SYNE2: variants seen among roughly 807,000 people sequenced by gnomAD.
SYNE2 encodes the protein spectrin repeat containing nuclear envelope protein 2.
In SYNE2, 431 loss-of-function variants were observed where a neutral mutation model predicts 856.3. That is an observed-to-expected ratio of 0.50 (90% confidence interval 0.47 to 0.55). The LOEUF (loss-of-function observed/expected upper bound fraction) is 0.55, where lower values mean the gene tolerates loss of function less well. Ranked by LOEUF, SYNE2 falls within the 20% of genes least tolerant of loss-of-function variation. The pLI is 0.00. For synonymous variants in SYNE2, 2,923 were observed against 2,872.3 expected, an observed-to-expected ratio of 1.02 and a Z score of -0.56; for missense variants, 8,129 against 8,023.2, an observed-to-expected ratio of 1.01 and a Z score of -0.50.
intron 1 of SYNE2, among the ~76,000 whole-genome samples, chr14:63,820,131 G>A (rs1889158149): frequency 6.6e-6 from 1 of 152,030 alleles, no homozygotes; most frequent in South Asian, 2.1e-4. Flanking sequence ...TAGGAAAAAT[G>A]ACTCTGAAAA....
Position 64,024,957 on chromosome 14 carries a change from A to G in SYNE2, c.5886A>G (p.Gln1962=). The G allele has an allele frequency of 2.5e-6, 4 of 1,614,030 alleles. No homozygotes were observed. The highest frequency in any genetic ancestry group is 1.3e-5 in the African/African-American group (1 of 75,046). The change falls in exon 40 of 116, where the codon CAA becomes CAG. Residue 1962 remains glutamine (Q), a synonymous_variant. Coordinates refer to ENST00000555002, the MANE Select transcript of SYNE2 (RefSeq NM_182914.3). ...HRNLRKWLTN[Q]EEKWKGMEEP... is the part of the protein sequence containing the mutation. ...ACCTGAGGAAGTGGTTGACTAATCA[A>G]GAAGAGAAATGGAAAGGAATGGAAG... is the stretch of plus-strand genomic sequence containing the variant.
At chr14:64,144,055 A>G in intron 83 of SYNE2, 107 bp downstream of exon 83, 2 of 1,319,332 alleles carry the variant, frequency 1.5e-6, no homozygotes, top group African/African-American at 2.9e-5. Flanking sequence ...TAAGCCTAAT[A>G]ATCATCTCAA....
chr14:64,218,403 G>A lies in SYNE2; in HGVS notation c.19548G>A (p.Lys6516=). ...SSTPYKPPYG[K]LLLPPGTDGG... The stretch of plus-strand genomic sequence containing the variant: ...TAAAAACTGGCTCATTCTAGGGAAA[G>A]CTACTATTACCTCCAGGCACGGATG... The change falls in exon 109 of 116, where the codon AAG becomes AAA. Residue 6516 remains lysine (K), a synonymous_variant. Coordinates refer to ENST00000555002, the MANE Select transcript of SYNE2 (RefSeq NM_182914.3). 1 of 1,613,938 alleles carries A rather than the reference G, an allele frequency of 6.2e-7. No individual in the cohort carries two copies. Among genetic ancestry groups the A allele is most frequent in the South Asian group, 1.1e-5 (1 of 91,024 alleles).
intron 45 of SYNE2, among the ~76,000 whole-genome samples, chr14:64,046,705 A>G (rs960768663): frequency 6.6e-6 from 1 of 152,174 alleles, no homozygotes; most frequent in Non-Finnish European, 1.5e-5. Context: ...CACCAGACTC[A>G]TAAAAGAGGC....
intron 2 of SYNE2, among the ~76,000 whole-genome samples, chr14:63,915,747 C>T (rs1295476610): frequency 6.6e-6 from 1 of 152,068 alleles, no homozygotes; most frequent in African/African-American, 2.4e-5. Flanking sequence ...TGTGTCTTCT[C>T]GGTAGGTATC....
At chr14:64,141,178 G>A (rs575398614) in intron 80 of SYNE2, among the ~76,000 whole-genome samples, 163 bp from the exon 81 acceptor site, 5 of 152,084 alleles carry the variant, frequency 3.3e-5, no homozygotes, top group East Asian at 1.9e-4. Flanking sequence ...GTTCCCCATC[G>A]TGTATGTAAT....
At chr14:64,077,190 C>T (rs982389451) in intron 54 of SYNE2, among the ~76,000 whole-genome samples, 2 of 152,102 alleles carry the variant, frequency 1.3e-5, no homozygotes, top group African/African-American at 4.8e-5. Context: ...GTTCAAGGAT[C>T]CCGGGGGACA....
chr14:64,084,988 T>C, intron 57 of SYNE2: 1 of 702,162 alleles, frequency 1.4e-6, no homozygotes, highest in Non-Finnish European at 2.6e-6. Flanking sequence ...CCTCCAGGAG[T>C]CTGCCTCACA....
At position 64,167,624 on chromosome 14, in the gene SYNE2, G is replaced by T; in HGVS notation, c.16890G>T (p.Gln5630His). The change falls in exon 92 of 116, where the codon CAG becomes CAT. Residue 5630 changes from glutamine to histidine, a missense_variant. Transcript: ENST00000555002. ...VANSLPELLE[Q>H]QKTYKMLEAE... is the part of the protein sequence containing the mutation. Reference sequence around the variant, plus strand: ...ACAGCCTTCCTGAGCTCCTGGAGCAGCAGAAAACCTATAAGGTAAACCTGT... The same window carrying T: ...ACAGCCTTCCTGAGCTCCTGGAGCATCAGAAAACCTATAAGGTAAACCTGT... 6.2e-7 allele frequency: 1 copy of T among 1,614,222 alleles called. No homozygotes were observed. Among genetic ancestry groups the T allele is most frequent in the Non-Finnish European group, 8.5e-7 (1 of 1,180,038 alleles).
At chr14:63,879,709 A>T (rs2094813909) in intron 1 of SYNE2, among the ~76,000 whole-genome samples, 2 of 152,270 alleles carry the variant, frequency 1.3e-5, no homozygotes, top group Admixed American at 6.5e-5. Context: ...CAGATAAATA[A>T]GCAACAGAGG....
chr14:64,121,745 G>C (rs1355767582), intron 68 of SYNE2, among the ~76,000 whole-genome samples: 1 of 152,122 alleles, frequency 6.6e-6, no homozygotes, highest in Non-Finnish European at 1.5e-5. Flanking sequence ...CTGTAGTTGC[G>C]ACTCTGCTTT....
At chr14:64,221,242 T>G (rs926401761) in intron 111 of SYNE2, among the ~76,000 whole-genome samples, 1 of 152,138 alleles carries the variant, frequency 6.6e-6, no homozygotes, top group Non-Finnish European at 1.5e-5. Flanking sequence ...GTTGGGTTGT[T>G]TCCCTCTGCC....
At chr14:64,075,754 CA>C in intron 53 of SYNE2, 190 bp from the exon 54 acceptor site, 2 of 586,304 alleles carry the variant, frequency 3.4e-6, no homozygotes, top group Non-Finnish European at 6.0e-6. Flanking sequence ...TTAATTCTTA[CA>C]AATTAGAAAG....
rs2094963389 is a variant in SYNE2 at position 63,885,566 on chromosome 14, A to G, written c.-51-23532A>G. 2.0e-5 allele frequency among the ~76,000 whole-genome samples: 3 copies of G among 152,128 alleles called. No homozygotes were observed. In the South Asian group the frequency reaches 6.2e-4, roughly 31 times the overall value. ...TTAATTCTGGACCATTTAACTCCCA[A>G]ATGGCCAGAGCTGAAGTTACTTGTT... is the stretch of plus-strand genomic sequence containing the variant. On this transcript the variant is annotated intron_variant, in intron 1 of 115. Transcript: ENST00000555002.
At chr14:64,077,918 GAA>G (rs906091391) in intron 54 of SYNE2, among the ~76,000 whole-genome samples, 10 of 152,142 alleles carry the variant, frequency 6.6e-5, no homozygotes, top group African/African-American at 2.4e-4. Flanking sequence ...GTTACACAGA[GAA>G]TAATTAAGCT....
chr14:63,805,729 T>C (rs1888338423), intron 1 of SYNE2, among the ~76,000 whole-genome samples: 1 of 152,096 alleles, frequency 6.6e-6, no homozygotes, highest in African/African-American at 2.4e-5. Flanking sequence ...ATTTTGTACG[T>C]GTGTGTGTGG....
chr14:64,210,319 G>A (rs895519851), intron 103 of SYNE2, among the ~76,000 whole-genome samples, 195 bp downstream of exon 103: 8 of 152,226 alleles, frequency 5.3e-5, no homozygotes, highest in African/African-American at 1.7e-4. Context: ...TGCATGTGGG[G>A]CTTCTTAGGC....
chr14:63,891,508 A>T (rs2095131519), intron 1 of SYNE2, among the ~76,000 whole-genome samples: 1 of 152,056 alleles, frequency 6.6e-6, no homozygotes. Context: ...AGAGGGGGAC[A>T]CTTTACAAAT....
In SYNE2 at chr14:64,011,848, A is replaced by G. The variant is rs77494195; in HGVS notation, c.4728+1732A>G. On this transcript the variant is annotated intron_variant, in intron 32 of 115. Transcript: ENST00000555002. ...AAACTTCTTCTTGTCACCTCCAGGGAGCTGACTCCATTCCTGGGTGAGTCT... is the reference window on the plus strand; with the variant it reads ...AAACTTCTTCTTGTCACCTCCAGGGGGCTGACTCCATTCCTGGGTGAGTCT... Among the ~76,000 whole-genome samples the G allele has an allele frequency of 3.1e-3, 478 of 152,324 alleles. 6 individuals are homozygous for G. In the East Asian group the frequency reaches 0.051, roughly 16 times the overall value.
Sources: allele counts gnomAD v4.1 joint callset (sites outside exome capture counted in the v4.1 genomes callset), GRCh38; gene constraint gnomAD v4.1.1; transcripts MANE v1.5; gene names NCBI Gene and HGNC (gene_info 2026-07-23, HGNC 2026-07-21).